Variants in AXL observed in about 807,000 individuals in gnomAD.
The protein encoded by AXL is AXL receptor tyrosine kinase, also known as tyrosine-protein kinase receptor UFO.
In AXL, 52 loss-of-function variants were observed where a neutral mutation model predicts 104.5. The observed-to-expected ratio is 0.50, with a 90% CI of 0.40 to 0.63. The LOEUF (loss-of-function observed/expected upper bound fraction) is 0.63. Ranked by LOEUF, AXL falls within the 20% of genes least tolerant of loss-of-function variation. The pLI, the probability that AXL is intolerant of heterozygous loss-of-function variation, is 0.00. For synonymous variants in AXL, 455 were observed against 473.7 expected (o/e 0.96, Z 0.51); for missense variants, 1,024 against 1,188.5 (o/e 0.86, Z 2.04).
intron 11 of AXL, among the ~76,000 whole-genome samples, 172 bp from the exon 12 acceptor site, chr19:41,243,444 G>A (rs1007758680): frequency 1.2e-4 from 18 of 152,056 alleles, no homozygotes; most frequent in African/African-American, 2.9e-4. Context: ...AGGGCAAGGG[G>A]GTGTGTGGAA....
In AXL at chr19:41,231,249, G is replaced by C; in HGVS notation, c.734G>C (p.Trp245Ser). ...CAACCCACGGAGCTGGAGGTGGCTT[G>C]GACTCCAGGCCTGAGCGGCATCTAC... is the stretch of plus-strand genomic sequence containing the variant. ...SRQPTELEVAWTPGLSGIYPL... is the reference protein window; with the variant it reads ...SRQPTELEVASTPGLSGIYPL... Residue 245 changes from tryptophan to serine, a missense_variant, in exon 6 of 20, where the codon TGG becomes TCG. By Grantham distance (177) the Trp-to-Ser change is radical. Around this residue, in one of 5 missense-constraint regions of AXL, gnomAD observed 332 missense variants for 343.9 expected, o/e 0.97. Transcript: ENST00000301178. 6.2e-7 allele frequency: 1 copy of C among 1,613,852 alleles called. No individual in the cohort carries two copies. The highest frequency in any genetic ancestry group is 8.5e-7 in the Non-Finnish European group (1 of 1,179,846).
chr19:41,247,858 T>G (rs987493735), intron 12 of AXL, among the ~76,000 whole-genome samples: 1 of 151,494 alleles, frequency 6.6e-6, no homozygotes, highest in African/African-American at 2.4e-5. Flanking sequence ...GTGCTGCGAT[T>G]ACAGGCATGA....
rs2034501619 is a variant in AXL at position 41,259,498 on chromosome 19, A to G, written c.2334-55A>G. On this transcript the variant is annotated intron_variant, in intron 19 of 19. Transcript: ENST00000301178. ...CCTAAAATGTCCCCAGGCTTCCAGA[A>G]TGCACCCCTTCTGAGTCCCTGCTCA... The G allele has an allele frequency of 1.6e-5, 23 of 1,472,162 alleles. 1 individual carries two copies. In the South Asian group the frequency reaches 2.3e-4, roughly 15 times the overall value. 91.2% of individuals were successfully genotyped at this position (1,472,162 alleles called of 1,614,324 possible).
Position 41,252,976 on chromosome 19 carries a change from C to CGTTT in AXL, c.1926+10_1926+13dup. The CGTTT allele has an allele frequency of 1.2e-6, 2 of 1,613,716 alleles. No homozygotes were observed. The highest frequency in any genetic ancestry group is 1.7e-6 in the Non-Finnish European group (2 of 1,179,784). ...TCGGGGACCAGCCAGTGGTAAGGGG[C>CGTTT]GTTTAATCATTCAGTCTACAAATAT... On this transcript the variant is annotated intron_variant, in intron 16 of 19. Coordinates refer to ENST00000301178, the MANE Select transcript of AXL (RefSeq NM_021913.5).
chr19:41,244,211 GA>G (rs920406027), intron 12 of AXL, among the ~76,000 whole-genome samples: 8 of 145,644 alleles, frequency 5.5e-5, no homozygotes, highest in Admixed American at 3.4e-4. Flanking sequence ...TCTCAAAAAA[GA>G]AAAAAAAATA....
intron 6 of AXL, among the ~76,000 whole-genome samples, chr19:41,236,173 A>C (rs976728936): frequency 1.7e-4 from 26 of 151,848 alleles, no homozygotes; most frequent in Non-Finnish European, 2.5e-4. Context: ...TCTACTAAAA[A>C]TACAAAAAAG....
chr19:41,243,038 G>A, intron 11 of AXL, 23 bp downstream of exon 11: 1 of 1,614,072 alleles, frequency 6.2e-7, no homozygotes. Flanking sequence ...CACATGGGGA[G>A]GCTGTGTGGC....
chr19:41,220,591 GGA>G (rs2033771672), intron 1 of AXL, 43 bp from the exon 2 acceptor site: 1 of 1,503,582 alleles, frequency 6.7e-7, no homozygotes, highest in Admixed American at 2.0e-5. Flanking sequence ...AGGGCCGGAA[GGA>G]GCTGGGGGGT....
chr19:41,222,075 G>A lies in AXL; in HGVS notation c.586+19G>A. On this transcript the variant is annotated intron_variant, in intron 4 of 19. Coordinates refer to ENST00000301178, the MANE Select transcript of AXL (RefSeq NM_021913.5). Reference sequence around the variant, plus strand: ...GTTCCAGGTGAGTCCGGGGATGTGGGTCAGCTCCGAATAGGGGGCCGGGCA... The same window carrying A: ...GTTCCAGGTGAGTCCGGGGATGTGGATCAGCTCCGAATAGGGGGCCGGGCA... 6.6e-7 allele frequency: 1 copy of A among 1,518,896 alleles called. No individual in the cohort carries two copies. Among genetic ancestry groups the A allele is most frequent in the Non-Finnish European group, 8.8e-7 (1 of 1,136,806 alleles). 94.1% of individuals were successfully genotyped at this position (1,518,896 alleles called of 1,614,324 possible).
chr19:41,231,538 T>C lies in AXL; in HGVS notation c.783+240T>C, dbSNP rs192543974. ...AGCTCTCTTGTCTACAAAATGGACA[T>C]AATGGTAGTGCCTACCTGGTATGCT... is the stretch of plus-strand genomic sequence containing the variant. On this transcript the variant is annotated intron_variant, in intron 6 of 19. Transcript: ENST00000301178. Among the ~76,000 whole-genome samples the C allele has an allele frequency of 7.9e-5, 12 of 152,278 alleles. 1 individual carries two copies. Among genetic ancestry groups the C allele is most frequent in the African/African-American group, 2.9e-4 (12 of 41,548 alleles).
At chr19:41,242,788 G>A (rs1297609959) in intron 10 of AXL, 95 bp from the exon 11 acceptor site, 40 of 1,512,378 alleles carry the variant, frequency 2.6e-5, no homozygotes, top group African/African-American at 1.4e-4. Context: ...CATCTTTGCC[G>A]AGGCCTTCTG....
Position 41,221,967 on chromosome 19 carries a change from C to T in AXL, c.497C>T (p.Pro166Leu), listed in dbSNP as rs200541897. 6.2e-7 allele frequency: 1 copy of T among 1,612,412 alleles called. No homozygotes were observed. The highest frequency in any genetic ancestry group is 8.5e-7 in the Non-Finnish European group (1 of 1,179,440). Residue 166 changes from proline to leucine, a missense_variant, in exon 4 of 20, where the codon CCA becomes CTA. This residue lies in a region of AXL where 332 missense variants were observed against 343.9 expected (regional missense o/e 0.97). Coordinates refer to ENST00000301178, the MANE Select transcript of AXL (RefSeq NM_021913.5). ...CTGAGCTGCCAAGCTCAGGGACCCC[C>T]AGAGCCCGTGGACCTACTCTGGCTC... ...FNLSCQAQGP[P>L]EPVDLLWLQD...
In AXL at chr19:41,259,953, C is replaced by A; in HGVS notation, c.*49C>A. On this transcript the variant is annotated 3_prime_UTR_variant, in exon 20 of 20. Transcript: ENST00000301178. ...CTCTCAGGATCCAAGCTAAGCACTG[C>A]CACTGGGGAAAACTCCACCTTCCCA... 6.8e-7 allele frequency: 1 copy of A among 1,468,544 alleles called. No individual in the cohort carries two copies. Among genetic ancestry groups the A allele is most frequent in the Non-Finnish European group, 9.1e-7 (1 of 1,095,458 alleles). The allele number at this position is 1,468,544 out of a possible 1,614,324, so 91.0% of individuals were successfully genotyped here.
chr19:41,248,527 C>A lies in AXL; in HGVS notation c.1551C>A (p.Gly517=), dbSNP rs1303936534. The A allele has an allele frequency of 4.3e-6, 7 of 1,614,076 alleles. No homozygotes were observed. Among genetic ancestry groups the A allele is most frequent in the Non-Finnish European group, 5.9e-6 (7 of 1,180,036 alleles). ...RTTEATLNSL[G]ISEELKEKLR... ...CCTTGCATGCAGTGAACAGCCTGGG[C>A]ATCAGTGAAGAGCTGAAGGAGAAGC... The change falls in exon 13 of 20, where the codon GGC becomes GGA. Residue 517 remains glycine, a synonymous_variant. Transcript: ENST00000301178.
At chr19:41,232,601 T>C (rs562726487) in intron 6 of AXL, among the ~76,000 whole-genome samples, 2 of 149,214 alleles carry the variant, frequency 1.3e-5, no homozygotes, top group East Asian at 4.0e-4. Context: ...CCAGCTTGGG[T>C]AACACGAGCG....
At chr19:41,224,502 C>A (rs942852569) in intron 4 of AXL, among the ~76,000 whole-genome samples, 1 of 152,058 alleles carries the variant, frequency 6.6e-6, no homozygotes, top group Non-Finnish European at 1.5e-5. Flanking sequence ...CACCCTCCCA[C>A]CCCTCAAGCA....
In AXL at chr19:41,243,727, C is replaced by G. The variant is rs750755693; in HGVS notation, c.1537+20C>G. On this transcript the variant is annotated intron_variant, in intron 12 of 19. Transcript: ENST00000301178. Reference sequence around the variant, plus strand: ...CTACCTGTAAGTGAACCCTATGCCCCACTGCCCTGGCCTGGATCTAAAGGC... The same window carrying G: ...CTACCTGTAAGTGAACCCTATGCCCGACTGCCCTGGCCTGGATCTAAAGGC... 2.5e-6 allele frequency: 4 copies of G among 1,602,624 alleles called. No individual in the cohort carries two copies. Among genetic ancestry groups the G allele is most frequent in the Non-Finnish European group, 2.6e-6 (3 of 1,169,590 alleles).
intron 4 of AXL, among the ~76,000 whole-genome samples, chr19:41,224,732 G>A (rs1252134699): frequency 6.6e-6 from 1 of 152,198 alleles, no homozygotes; most frequent in East Asian, 1.9e-4. Flanking sequence ...TGTCTCTGTG[G>A]CGTGTGTGTA....
chr19:41,231,428 AGCCAG>A, intron 6 of AXL, 130 bp downstream of exon 6: 1 of 846,162 alleles, frequency 1.2e-6, no homozygotes, highest in Non-Finnish European at 1.8e-6. Context: ...TGGGGGGTTA[AGCCAG>A]ATGTCCTGGG....
Sources: allele counts gnomAD v4.1 joint callset (sites outside exome capture counted in the v4.1 genomes callset), GRCh38; gene constraint gnomAD v4.1.1; regional missense constraint gnomAD v4.1.1; transcripts MANE v1.5; gene names NCBI Gene and HGNC (gene_info 2026-07-23, HGNC 2026-07-21).